NSD2: variants seen among roughly 807,000 people sequenced by gnomAD.
NSD2 encodes the protein nuclear receptor binding SET domain protein 2.
In NSD2, 12 loss-of-function variants were observed where a neutral mutation model predicts 139.0. The ratio of observed to expected loss-of-function variants is 0.09; its 90% CI spans 0.06 to 0.14. NSD2 has a LOEUF of 0.14. Among genes scored for constraint, NSD2 ranks in the 10% least tolerant of loss-of-function variants. NSD2 has a pLI of 1.00. For missense variants in NSD2, 1,155 were observed against 1,745.0 expected (o/e 0.66, Z 6.02); for synonymous variants, 669 against 648.7 (o/e 1.03, Z -0.48).
intron 1 of NSD2, among the ~76,000 whole-genome samples, chr4:1,894,442 A>G (rs1715967008): frequency 6.6e-6 from 1 of 152,014 alleles, no homozygotes; most frequent in East Asian, 1.9e-4. Context: ...TCAACCTGTA[A>G]TCCTACCACT....
intron 1 of NSD2, among the ~76,000 whole-genome samples, chr4:1,897,493 G>GAA (rs149921616): frequency 6.7e-5 from 10 of 149,530 alleles, no homozygotes; most frequent in African/African-American, 2.5e-4. Flanking sequence ...TGTCTCAAGG[G>GAA]AAAAAAAAAA....
In NSD2 at chr4:1,972,153, C is replaced by T. The variant is rs1178446726; in HGVS notation, c.3373-2710C>T. Among the ~76,000 whole-genome samples the T allele has an allele frequency of 6.6e-6, 1 of 152,184 alleles. No individual in the cohort carries two copies. Among genetic ancestry groups the T allele is most frequent in the African/African-American group, 2.4e-5 (1 of 41,446 alleles). ...AGTGACAACAGTGAGAGGCCAGGTC[C>T]ACAGGTTTTCCCCTGCCCTCCTCAT... is the stretch of plus-strand genomic sequence containing the variant. On this transcript the variant is annotated intron_variant, in intron 18 of 21. Transcript: ENST00000508803. The surrounding 1 kb of genome is among the most constrained non-coding windows in gnomAD (Gnocchi z 4.0).
chr4:1,956,809 C>T lies in NSD2; in HGVS notation c.2881+621C>T, dbSNP rs923863749. Among the ~76,000 whole-genome samples the T allele has an allele frequency of 4.6e-5, 7 of 152,202 alleles. No individual in the cohort carries two copies. The highest frequency in any genetic ancestry group is 2.1e-4 in the South Asian group (1 of 4,830). ...TGTGGCTCGTTCAGGGAGAAGCACA[C>T]GCTGTGTTGCAGCCGGGTCAGTGCT... On this transcript the variant is annotated intron_variant, in intron 15 of 21. Coordinates refer to ENST00000508803, the MANE Select transcript of NSD2 (RefSeq NM_001042424.3). This position sits in a 1 kb window ranked among gnomAD's most constrained non-coding sequence, Gnocchi z 5.3.
intron 1 of NSD2, among the ~76,000 whole-genome samples, chr4:1,888,410 C>CAAA (rs61397233): frequency 1.3e-4 from 7 of 53,200 alleles, no homozygotes; most frequent in Non-Finnish European, 1.9e-4. Flanking sequence ...GAGATTGCCT[C>CAAA]AAAAAAAAAA....
In NSD2 at chr4:1,973,818, T is replaced by TAGA. The variant is rs1338792569; in HGVS notation, c.3373-1044_3373-1043insGAA. On this transcript the variant is annotated intron_variant, in intron 18 of 21. Transcript: ENST00000508803. This position sits in a 1 kb window ranked among gnomAD's most constrained non-coding sequence, Gnocchi z 5.5. ...TGGTTTTGTTTGAACACGTGACTGT[T>TAGA]ACGCTTTATGTGGCCTTTTGATTTC... is the stretch of plus-strand genomic sequence containing the variant. Among the ~76,000 whole-genome samples, 3 of 152,240 alleles carry TAGA rather than the reference T, an allele frequency of 2.0e-5. No homozygotes were observed. The highest frequency in any genetic ancestry group is 4.4e-5 in the Non-Finnish European group (3 of 68,040).
chr4:1,942,122 A>G lies in NSD2; in HGVS notation c.1881+2344A>G. 1 of 1,269,594 alleles carries G rather than the reference A, an allele frequency of 7.9e-7. No individual in the cohort carries two copies. The highest frequency in any genetic ancestry group is 1.5e-5 in the African/African-American group (1 of 66,500). The allele number at this position is 1,269,594 out of a possible 1,614,324, so 78.6% of individuals were successfully genotyped here. On this transcript the variant is annotated intron_variant, in intron 9 of 21. Transcript: ENST00000508803. The surrounding 1 kb of genome is among the most constrained non-coding windows in gnomAD (Gnocchi z 4.0). The stretch of plus-strand genomic sequence containing the variant: ...CACTTTAGGTCATGTTGTAGTTTAA[A>G]TTCTTCTTGAAAAAGGTATATGTGA...
In NSD2 at chr4:1,981,162, G is replaced by A; in HGVS notation, c.*2253G>A. The A allele has an allele frequency of 4.3e-6, 1 of 233,296 alleles. No homozygotes were observed. Among genetic ancestry groups the A allele is most frequent in the Non-Finnish European group, 8.5e-6 (1 of 118,058 alleles). The allele number at this position is 233,296 out of a possible 1,614,324, so 14.5% of individuals were successfully genotyped here. A position where few individuals can be genotyped will look rare whatever the true frequency, so the allele number is the denominator to read the frequency against. Reference sequence around the variant, plus strand: ...TACTTCCAAATTTTATGATTTTTCTGAAGGAAATAATGCAAACATTTTAAA... The same window carrying A: ...TACTTCCAAATTTTATGATTTTTCTAAAGGAAATAATGCAAACATTTTAAA... On this transcript the variant is annotated 3_prime_UTR_variant, in exon 22 of 22. Transcript: ENST00000508803.
rs899800136 is a variant in NSD2, at chr4:1,951,905, G to A, written c.2014-203G>A. Reference sequence around the variant, plus strand: ...CATTGCTGAGGACTGGCCTCTTTCTGTAACAGTCATCTGGTTTTAATCTGA... The same window carrying A: ...CATTGCTGAGGACTGGCCTCTTTCTATAACAGTCATCTGGTTTTAATCTGA... On this transcript the variant is annotated intron_variant, in intron 10 of 21. Coordinates refer to ENST00000508803, the MANE Select transcript of NSD2 (RefSeq NM_001042424.3). 4.3e-5 allele frequency: 33 copies of A among 769,944 alleles called. 1 individual carries two copies. The highest frequency in any genetic ancestry group is 5.7e-5 in the Non-Finnish European group (29 of 510,866). 47.7% of individuals were successfully genotyped at this position (769,944 alleles called of 1,614,324 possible).
intron 1 of NSD2, among the ~76,000 whole-genome samples, chr4:1,872,591 T>TGAGAGAGAGAGA (rs1200688066): frequency 0.017 from 772 of 44,748 alleles, 22 homozygotes; most frequent in East Asian, 0.034. Context: ...TGTGTGTGTG[T>TGAGAGAGAGAGA]GAGAGAGAGA....
chr4:1,939,426 C>T (rs542663335), intron 8 of NSD2: 15 of 561,828 alleles, frequency 2.7e-5, no homozygotes, highest in Non-Finnish European at 4.1e-5. Flanking sequence ...ACGCTGGCCC[C>T]AGGTTGATGT....
At chr4:1,965,292 A>G (rs1725773608) in intron 18 of NSD2, among the ~76,000 whole-genome samples, 1 of 152,150 alleles carries the variant, frequency 6.6e-6, no homozygotes. Context: ...AAAACCTATA[A>G]AGAGAAACAA....
At chr4:1,969,634 G>A (rs1726237945) in intron 18 of NSD2, among the ~76,000 whole-genome samples, 1 of 152,010 alleles carries the variant, frequency 6.6e-6, no homozygotes, top group South Asian at 2.1e-4. Flanking sequence ...TTGAGCCCAG[G>A]AGGCCAAGGC....
intron 12 of NSD2, among the ~76,000 whole-genome samples, chr4:1,954,011 A>T (rs565486353): frequency 6.7e-6 from 1 of 150,198 alleles, no homozygotes; most frequent in East Asian, 2.0e-4. Flanking sequence ...GGAGAAAAAA[A>T]ATCTCCCTCT....
chr4:1,895,889 G>T (rs935942887), intron 1 of NSD2, among the ~76,000 whole-genome samples: 1 of 152,210 alleles, frequency 6.6e-6, no homozygotes, highest in African/African-American at 2.4e-5. Context: ...TTTGCTGAGG[G>T]CCCAGCCCTG....
chr4:1,916,581 A>G (rs780434888), intron 3 of NSD2, among the ~76,000 whole-genome samples: 7 of 152,086 alleles, frequency 4.6e-5, no homozygotes, highest in Non-Finnish European at 7.4e-5. Flanking sequence ...CCTGAGCTCA[A>G]TCTCCCTGCC....
At position 1,901,061 on chromosome 4, in the gene NSD2, A is replaced by G; in HGVS notation, c.407A>G (p.Lys136Arg). The G allele has an allele frequency of 1.2e-6, 2 of 1,614,220 alleles. No individual in the cohort carries two copies. The highest frequency in any genetic ancestry group is 1.7e-6 in the Non-Finnish European group (2 of 1,180,034). ...LKITKTYMNGKPLFESSICGD... is the reference protein window; with the variant it reads ...LKITKTYMNGRPLFESSICGD... ...ATCACCAAAACATACATGAATGGGA[A>G]GCCTCTCTTTGAATCTTCCATTTGT... The change falls in exon 2 of 22, where the codon AAG (lysine) becomes AGG (arginine). Residue 136 changes from lysine (K) to arginine (R), a missense_variant. By Grantham distance (26) the Lys-to-Arg change is conservative. This residue lies in a region of NSD2 where 246 missense variants were observed against 262.8 expected (regional missense o/e 0.94). Transcript: ENST00000508803.
In NSD2 at chr4:1,950,749, G is replaced by GA. The variant is rs1484930768; in HGVS notation, c.1882-323_1882-322insA. Among the ~76,000 whole-genome samples, 36 of 152,310 alleles carry GA rather than the reference G, an allele frequency of 2.4e-4. 1 individual carries two copies. The South Asian group carries it at 4.3e-3, about 18-fold the overall frequency. On this transcript the variant is annotated intron_variant, in intron 9 of 21. Coordinates refer to ENST00000508803, the MANE Select transcript of NSD2 (RefSeq NM_001042424.3). ...CCAAGATTCTTGTTCCAAAAAGCCT[G>GA]TCTTAGTTCACCTACTAGAGCAAAT... is the stretch of plus-strand genomic sequence containing the variant.
rs1178786090 is a variant in NSD2, at chr4:1,872,633, AGAGC to A, written c.-30+1093_-30+1096del. Among the ~76,000 whole-genome samples the A allele has an allele frequency of 8.8e-3, 1,153 of 130,944 alleles. 9 individuals carry two copies. The highest frequency in any genetic ancestry group is 0.033 in the Middle Eastern group (8 of 244). The allele number at this position is 130,944 out of a possible 152,430, so 85.9% of individuals were successfully genotyped here. A position where few individuals can be genotyped will look rare whatever the true frequency, so the allele number is the denominator to read the frequency against. On this transcript the variant is annotated intron_variant, in intron 1 of 21. Coordinates refer to ENST00000508803, the MANE Select transcript of NSD2 (RefSeq NM_001042424.3). Reference sequence around the variant, plus strand: ...GAGAGAGAGAGAGAGAGAGAGAGAGAGAGCGCGCAGACCCTGTGAAGACAAGACT... The same window carrying A: ...GAGAGAGAGAGAGAGAGAGAGAGAGAGCGCAGACCCTGTGAAGACAAGACT...
chr4:1,967,360 A>T (rs973124098), intron 18 of NSD2, among the ~76,000 whole-genome samples: 1 of 152,216 alleles, frequency 6.6e-6, no homozygotes, highest in Non-Finnish European at 1.5e-5. Flanking sequence ...CCGGCAGATC[A>T]CAAGGTCAGG....
Sources: allele counts gnomAD v4.1 joint callset (sites outside exome capture counted in the v4.1 genomes callset), GRCh38; gene constraint gnomAD v4.1.1; regional missense constraint gnomAD v4.1.1; non-coding constraint Gnocchi (gnomAD v3.1); transcripts MANE v1.5; gene names NCBI Gene and HGNC (gene_info 2026-07-23, HGNC 2026-07-21).